The following CALY variants were observed in gnomAD, a reference collection of about 807,000 sequenced individuals.
The protein encoded by CALY is calcyon neuron specific vesicular protein.
Under a neutral mutation model 20.2 loss-of-function variants are expected in CALY, and 15 were observed. The ratio of observed to expected loss-of-function variants is 0.74; its 90% CI spans 0.50 to 1.14. The LOEUF is 1.14. CALY is among the 50% of genes most tolerant of loss of function. The probability of loss-of-function intolerance (pLI) is 0.00; values close to 1 mark genes in which losing one functional copy is unlikely to be tolerated. For synonymous variants in CALY, 129 were observed against 131.8 expected (o/e 0.98, Z 0.15); for missense variants, 270 against 304.4 (o/e 0.89, Z 0.84).
chr10:133,327,016 C>T (rs1848225705), intron 3 of CALY, 25 bp from the exon 4 acceptor site: 1 of 1,522,214 alleles, frequency 6.6e-7, no homozygotes, highest in African/African-American at 1.4e-5. Context: ...GAGAGGGGCT[C>T]AGCCACGCCA....
At position 133,325,843 on chromosome 10, in the gene CALY, GGCGCCGCGCTCCCGGCCGCCTTCC is replaced by G; in HGVS notation, c.614_637del (p.Arg205_Ala212del). On this transcript the variant is annotated inframe_deletion, in exon 5 of 6. Transcript: ENST00000252939. ...CTGGAGACGTCACTGCGCGGGCGGG[GGCGCCGCGCTCCCGGCCGCCTTCC>G]GCGCCGCCTCCTTCTCCGCCTTGGC... 2 of 1,229,316 alleles carry G rather than the reference GGCGCCGCGCTCCCGGCCGCCTTCC, an allele frequency of 1.6e-6. No homozygotes were observed. Among genetic ancestry groups the G allele is most frequent in the Non-Finnish European group, 2.0e-6 (2 of 987,028 alleles). 76.2% of individuals were successfully genotyped at this position (1,229,316 alleles called of 1,614,324 possible).
chr10:133,327,317 G>C, intron 3 of CALY: 2 of 492,954 alleles, frequency 4.1e-6, no homozygotes, highest in Non-Finnish European at 7.3e-6. Flanking sequence ...GGATGGGGCC[G>C]CAGCCTCAGG....
intron 4 of CALY, 30 bp from the exon 5 acceptor site, chr10:133,326,150 G>A: frequency 6.3e-7 from 1 of 1,590,630 alleles, no homozygotes; most frequent in Non-Finnish European, 8.6e-7. Flanking sequence ...AGGGTCGGTG[G>A]GGCTGAGCCC....
intron 1 of CALY, 50 bp from the exon 2 acceptor site, chr10:133,329,059 C>T: frequency 6.9e-7 from 1 of 1,452,158 alleles, no homozygotes; most frequent in Admixed American, 2.2e-5. Flanking sequence ...CCCTGGATGC[C>T]CACGCCAGCT....
intron 2 of CALY, among the ~76,000 whole-genome samples, chr10:133,328,564 C>T (rs1331201772): frequency 6.6e-6 from 1 of 152,218 alleles, no homozygotes; most frequent in South Asian, 2.1e-4. Flanking sequence ...GGGTGGGAAG[C>T]GTTGCCTGCT....
intron 3 of CALY, 143 bp downstream of exon 3, chr10:133,327,762 G>A: frequency 1.4e-6 from 1 of 721,850 alleles, no homozygotes; most frequent in Non-Finnish European, 2.6e-6. Context: ...CCAGCTCTGG[G>A]CGGGATGACT....
intron 1 of CALY, among the ~76,000 whole-genome samples, chr10:133,333,977 G>T (rs1379167039): frequency 2.9e-5 from 1 of 34,382 alleles, no homozygotes; most frequent in Non-Finnish European, 5.2e-5. Flanking sequence ...AGGCTCTGAG[G>T]GGGGAAGGAC....
At position 133,328,032 on chromosome 10, in the gene CALY, C is replaced by T. The variant is rs1000679428; in HGVS notation, c.136-17G>A. 1.3e-6 allele frequency: 2 copies of T among 1,517,882 alleles called. No homozygotes were observed. Among genetic ancestry groups the T allele is most frequent in the Non-Finnish European group, 1.8e-6 (2 of 1,098,734 alleles). The allele number at this position is 1,517,882 out of a possible 1,614,324, so 94.0% of individuals were successfully genotyped here. A position where few individuals can be genotyped will look rare whatever the true frequency, so the allele number is the denominator to read the frequency against. On this transcript the variant is annotated splice_polypyrimidine_tract_variant and intron_variant, in intron 2 of 5. Coordinates refer to ENST00000252939, the MANE Select transcript of CALY (RefSeq NM_015722.4). ...GATGACCACCTGTGAAAAGAGATGG[C>T]CATGGCCTCAGTAGGCAGCTGGCAG...
chr10:133,331,609 AAC>A (rs1338948118), intron 1 of CALY, among the ~76,000 whole-genome samples: 2 of 152,212 alleles, frequency 1.3e-5, no homozygotes, highest in Non-Finnish European at 2.9e-5. Context: ...GAATCCAGGA[AAC>A]ACTGTCGACA....
chr10:133,332,033 A>G (rs1296803242), intron 1 of CALY, among the ~76,000 whole-genome samples: 1 of 152,142 alleles, frequency 6.6e-6, no homozygotes. Context: ...AGGCTGAGGC[A>G]GGAGAATCCC....
rs1419327428 is a variant in CALY, at chr10:133,334,455, AAGACTCTGAAGGGG to A, written c.-21+2365_-21+2378del. ...TGAGCGGGGAAGGCTCTGAGGGGGGAAGACTCTGAAGGGGAGGCTCTGAAGGGGAAGGACATGAG... is the reference window on the plus strand; with the variant it reads ...TGAGCGGGGAAGGCTCTGAGGGGGGAAGGCTCTGAAGGGGAAGGACATGAG... On this transcript the variant is annotated intron_variant, in intron 1 of 5. Transcript: ENST00000252939. Among the ~76,000 whole-genome samples the A allele has an allele frequency of 6.4e-4, 15 of 23,436 alleles. 1 individual carries two copies. The highest frequency in any genetic ancestry group is 2.1e-3 in the African/African-American group (12 of 5,700). 15.4% of individuals were successfully genotyped at this position (23,436 alleles called of 152,430 possible). A position where few individuals can be genotyped will look rare whatever the true frequency, so the allele number is the denominator to read the frequency against.
intron 2 of CALY, among the ~76,000 whole-genome samples, chr10:133,328,595 G>A (rs182990504): frequency 3.0e-4 from 46 of 152,362 alleles, no homozygotes; most frequent in South Asian, 1.9e-3. Flanking sequence ...TGGACAGCAC[G>A]TGGGCGGGGT....
rs1487797487 is a variant in CALY, at chr10:133,334,479, A to AGGGGAGGCTCTGAG, written c.-21+2354_-21+2355insCTCAGAGCCTCCCC. On this transcript the variant is annotated intron_variant, in intron 1 of 5. Coordinates refer to ENST00000252939, the MANE Select transcript of CALY (RefSeq NM_015722.4). Reference sequence around the variant, plus strand: ...GAAGACTCTGAAGGGGAGGCTCTGAAGGGGAAGGACATGAGGGGAAGGATC... The same window carrying AGGGGAGGCTCTGAG: ...GAAGACTCTGAAGGGGAGGCTCTGAAGGGGAGGCTCTGAGGGGGAAGGACATGAGGGGAAGGATC... Among the ~76,000 whole-genome samples the AGGGGAGGCTCTGAG allele has an allele frequency of 2.8e-4, 3 of 10,642 alleles. 1 individual carries two copies. The highest frequency in any genetic ancestry group is 1.2e-3 in the African/African-American group (3 of 2,470). The allele number at this position is 10,642 out of a possible 152,430, so 7.0% of individuals were successfully genotyped here.
chr10:133,329,392 C>CTTCTTCTTCTTCTTTTTTT (rs549430070), intron 1 of CALY, among the ~76,000 whole-genome samples: 1 of 137,450 alleles, frequency 7.3e-6, no homozygotes. Context: ...TCTTCTTCTT[C>CTTCTTCTTCTTCTTTTTTT]TTTTTTTTTT....
chr10:133,327,349 C>T, intron 3 of CALY: 1 of 492,136 alleles, frequency 2.0e-6, no homozygotes, highest in South Asian at 3.0e-5. Context: ...CTGCACTCAC[C>T]AGGCCTCCCA....
intron 1 of CALY, among the ~76,000 whole-genome samples, chr10:133,334,022 AG>A (rs150323853): frequency 0.36 from 3,385 of 9,284 alleles, 5 homozygotes; most frequent in Non-Finnish European, 0.39. Flanking sequence ...GAAGGATCTG[AG>A]GGGGGAAGGA....
Position 133,326,172 on chromosome 10 carries a change from C to A in CALY, c.361-52G>T, listed in dbSNP as rs1848205859. On this transcript the variant is annotated intron_variant, in intron 4 of 5. Coordinates refer to ENST00000252939, the MANE Select transcript of CALY (RefSeq NM_015722.4). ...GTGGGGCTGAGCCCTCCTGTGCGCC[C>A]CGGGCCCAGGCCCTCCCGCTTCTGC... The A allele has an allele frequency of 1.9e-6, 3 of 1,572,724 alleles. No homozygotes were observed. In the East Asian group the frequency reaches 7.1e-5, roughly 37 times the overall value.
intron 1 of CALY, among the ~76,000 whole-genome samples, chr10:133,330,580 C>T (rs1253675239): frequency 7.5e-6 from 1 of 133,196 alleles, no homozygotes; most frequent in Non-Finnish European, 1.6e-5. Context: ...ATGGCGTGAA[C>T]CTGGGAGGCG....
intron 4 of CALY, 29 bp downstream of exon 4, chr10:133,326,849 A>AC (rs766341880): frequency 6.8e-7 from 1 of 1,481,404 alleles, no homozygotes; most frequent in Non-Finnish European, 9.3e-7. Flanking sequence ...GCGGCTCTAC[A>AC]CCCCCCACCA....
Sources: allele counts gnomAD v4.1 joint callset (sites outside exome capture counted in the v4.1 genomes callset), GRCh38; gene constraint gnomAD v4.1.1; transcripts MANE v1.5; gene names NCBI Gene and HGNC (gene_info 2026-07-23, HGNC 2026-07-21).